ADAM28: variants seen among roughly 807,000 people sequenced by gnomAD.
The protein encoded by ADAM28 is disintegrin and metalloproteinase domain-containing protein 28.
Under a neutral mutation model 101.2 loss-of-function variants are expected in ADAM28, and 105 were observed. That is an observed-to-expected ratio of 1.04 (90% CI 0.89 to 1.22). The LOEUF is 1.22. Among genes scored for constraint, ADAM28 ranks in the 50% most tolerant of loss-of-function variants. The pLI, the probability that ADAM28 is intolerant of heterozygous loss-of-function variation, is 0.00. For missense variants in ADAM28, 1,028 were observed against 945.4 expected, an observed-to-expected ratio of 1.09 and a Z score of -1.15; for synonymous variants, 322 against 310.6, an observed-to-expected ratio of 1.04 and a Z score of -0.39.
intron 9 of ADAM28, among the ~76,000 whole-genome samples, chr8:24,325,471 T>A (rs1205913543): frequency 6.6e-6 from 1 of 151,840 alleles, no homozygotes; most frequent in African/African-American, 2.4e-5. Context: ...CCAAAATATA[T>A]AACTCCAAAA....
chr8:24,325,626 T>A (rs1247919450), intron 9 of ADAM28, among the ~76,000 whole-genome samples: 2 of 151,656 alleles, frequency 1.3e-5, no homozygotes, highest in Non-Finnish European at 2.9e-5. Context: ...ATGTAAAATA[T>A]ATTTTCAAAA....
rs556498563 is a variant in ADAM28, at chr8:24,338,135, A to T, written c.1568-1331A>T. The stretch of plus-strand genomic sequence containing the variant: ...ATTGTTTTTTACTCCTTCTCCTAGC[A>T]ATTGTACTCAAATAATTATGAGGAT... On this transcript the variant is annotated intron_variant, in intron 14 of 22. Coordinates refer to ENST00000265769, the MANE Select transcript of ADAM28 (RefSeq NM_014265.6). Among the ~76,000 whole-genome samples, 375 of 152,336 alleles carry T rather than the reference A, an allele frequency of 2.5e-3. 1 individual carries two copies. Among genetic ancestry groups the T allele is most frequent in the Middle Eastern group, 0.017 (5 of 294 alleles).
At chr8:24,341,232 C>T (rs572971601) in intron 15 of ADAM28, 1 of 171,100 alleles carries the variant, frequency 5.8e-6, no homozygotes, top group South Asian at 1.7e-4. Flanking sequence ...ATGATAGCTT[C>T]TCTAGCTATC....
At chr8:24,324,024 A>C (rs1812223381) in intron 9 of ADAM28, 21 bp downstream of exon 9, 2 of 1,608,848 alleles carry the variant, frequency 1.2e-6, no homozygotes, top group Non-Finnish European at 1.7e-6. Context: ...ATTTTCTCCC[A>C]TTGCACACTA....
intron 6 of ADAM28, among the ~76,000 whole-genome samples, chr8:24,316,484 C>T (rs1164691257): frequency 6.6e-6 from 1 of 152,018 alleles, no homozygotes; most frequent in East Asian, 1.9e-4. Context: ...TTTAAGAACA[C>T]TGTTGCATTA....
intron 2 of ADAM28, among the ~76,000 whole-genome samples, chr8:24,305,641 A>G (rs75820118): frequency 0.13 from 20,084 of 151,872 alleles, 1,593 homozygotes; most frequent in East Asian, 0.34. Flanking sequence ...AATAAACACC[A>G]TAGATAATTG....
At position 24,331,309 on chromosome 8, in the gene ADAM28, T is replaced by G; in HGVS notation, c.1263T>G (p.Cys421Trp). ...GNQLVEMGED[C>W]DCGTSEECTN... The stretch of plus-strand genomic sequence containing the variant: ...AGTTGGTGGAAATGGGAGAGGACTG[T>G]GATTGTGGGACATCTGAGGTATGGC... The change falls in exon 12 of 23, where the codon TGT becomes TGG. Residue 421 changes from cysteine (C) to tryptophan (W), a missense_variant. Cys to Trp is a radical substitution (Grantham distance 215, BLOSUM62 -2). Transcript: ENST00000265769. 6.2e-7 allele frequency: 1 copy of G among 1,607,976 alleles called. No individual in the cohort carries two copies. Among genetic ancestry groups the G allele is most frequent in the Non-Finnish European group, 8.5e-7 (1 of 1,177,410 alleles).
chr8:24,319,038 C>A (rs937279460), intron 6 of ADAM28, among the ~76,000 whole-genome samples: 4 of 151,980 alleles, frequency 2.6e-5, no homozygotes, highest in African/African-American at 9.7e-5. Flanking sequence ...TCCCATAGAC[C>A]TCTCTGGTCT....
chr8:24,334,058 T>C (rs900629220), intron 13 of ADAM28, among the ~76,000 whole-genome samples: 1 of 152,164 alleles, frequency 6.6e-6, no homozygotes, highest in African/African-American at 2.4e-5. Flanking sequence ...CAAAAGGAAG[T>C]AAATTTGAGA....
chr8:24,353,700 A>C, intron 21 of ADAM28, 70 bp from the exon 22 acceptor site: 1 of 1,041,668 alleles, frequency 9.6e-7, no homozygotes, highest in Non-Finnish European at 1.5e-6. Context: ...CATTAAGGAA[A>C]TAAATATAGC....
intron 2 of ADAM28, among the ~76,000 whole-genome samples, chr8:24,300,346 T>A (rs949333267): frequency 1.8e-4 from 27 of 152,312 alleles, no homozygotes; most frequent in Non-Finnish European, 3.4e-4. Flanking sequence ...ATTATTAACC[T>A]CATTCTACAA....
rs1812651040 is a variant in ADAM28 at position 24,326,600 on chromosome 8, A to G, written c.937A>G (p.Thr313Ala). 5.6e-6 allele frequency: 9 copies of G among 1,612,126 alleles called. No individual in the cohort carries two copies. The Admixed American group carries it at 8.3e-5, about 15-fold the overall frequency. The part of the protein sequence containing the change: ...GTTVGLAFMS[T>A]MCSPYSVGVV... ...GACTGTGGGTCTTGCATTTATGTCTACAATGTGTTCTCCTTATTCTGTTGG... is the reference window on the plus strand; with the variant it reads ...GACTGTGGGTCTTGCATTTATGTCTGCAATGTGTTCTCCTTATTCTGTTGG... Residue 313 changes from threonine to alanine, a missense_variant, in exon 10 of 23, where the codon ACA (threonine) becomes GCA (alanine). Coordinates refer to ENST00000265769, the MANE Select transcript of ADAM28 (RefSeq NM_014265.6).
At position 24,326,615 on chromosome 8, in the gene ADAM28, T is replaced by TATC. The variant is rs111491080; in HGVS notation, c.954_955insCAT (p.Tyr318_Ser319insHis). ...ATTTATGTCTACAATGTGTTCTCCT[T>TATC]ATTCTGTTGGCGTTGTTCAGGTCTG... On this transcript the variant is annotated inframe_insertion, in exon 10 of 23. Transcript: ENST00000265769. The TATC allele has an allele frequency of 2.7e-4, 440 of 1,612,128 alleles. 3 individuals are homozygous for TATC. The African/African-American group carries it at 5.3e-3, about 19-fold the overall frequency.
At chr8:24,307,188 AC>A in intron 2 of ADAM28, among the ~76,000 whole-genome samples, 2 of 152,292 alleles carry the variant, frequency 1.3e-5, no homozygotes, top group Admixed American at 1.3e-4. Flanking sequence ...AGTGCAGTTG[AC>A]CACCCTTCTG....
chr8:24,329,873 G>A (rs919988283), intron 10 of ADAM28, 112 bp from the exon 11 acceptor site: 3 of 801,920 alleles, frequency 3.7e-6, no homozygotes, highest in Non-Finnish European at 5.7e-6. Context: ...GTGTGTTTGT[G>A]TGTGTGTGTG....
At position 24,339,588 on chromosome 8, in the gene ADAM28, C is replaced by A; in HGVS notation, c.1670+20C>A. 4 of 1,585,956 alleles carry A rather than the reference C, an allele frequency of 2.5e-6. No individual in the cohort carries two copies. The South Asian group carries it at 3.4e-5, about 13-fold the overall frequency. On this transcript the variant is annotated intron_variant, in intron 15 of 22. Coordinates refer to ENST00000265769, the MANE Select transcript of ADAM28 (RefSeq NM_014265.6). Reference sequence around the variant, plus strand: ...AGCAAAGTAAGTGGCCTTGTCTGAACCTTCCTGCTTCACAGACTAGAGCAA... The same window carrying A: ...AGCAAAGTAAGTGGCCTTGTCTGAAACTTCCTGCTTCACAGACTAGAGCAA...
rs375475407 is a variant in ADAM28 at position 24,349,923 on chromosome 8, A to G, written c.2050A>G (p.Met684Val). Residue 684 changes from methionine (M) to valine (V), a missense_variant, in exon 19 of 23, where the codon ATG becomes GTG. Transcript: ENST00000265769. Reference sequence around the variant, plus strand: ...GGCGGTCATTTTTGTGGTGGTTGCTATGGTAATCCGGCACCAGAGCTCCAG... The same window carrying G: ...GGCGGTCATTTTTGTGGTGGTTGCTGTGGTAATCCGGCACCAGAGCTCCAG... ...PMAVIFVVVA[M>V]VIRHQSSREK... is the part of the protein sequence containing the mutation. The G allele has an allele frequency of 1.4e-5, 22 of 1,613,630 alleles. No homozygotes were observed. The highest frequency in any genetic ancestry group is 9.3e-5 in the African/African-American group (7 of 74,940).
At chr8:24,314,516 T>A (rs1056573350) in intron 6 of ADAM28, among the ~76,000 whole-genome samples, 11 of 152,250 alleles carry the variant, frequency 7.2e-5, no homozygotes, top group African/African-American at 2.2e-4. Context: ...TCAAATCCAA[T>A]CATTTCTTTT....
At chr8:24,322,746 A>C (rs1812048634) in intron 8 of ADAM28, 1 of 152,006 alleles carries the variant, frequency 6.6e-6, no homozygotes, top group Non-Finnish European at 1.5e-5. Context: ...TTTTAACTTC[A>C]CTTTCAGTAA....
Sources: gnomAD v4.1 joint callset for allele counts (sites outside exome capture counted in the v4.1 genomes callset) on GRCh38, gnomAD v4.1.1 for gene constraint, MANE v1.5 for transcripts, NCBI Gene and HGNC (gene_info 2026-07-23, HGNC 2026-07-21) for gene names.